The following IL1RAPL2 variants were observed in gnomAD, a reference collection of about 807,000 sequenced individuals.
IL1RAPL2 encodes the protein interleukin 1 receptor accessory protein like 2, also known as X-linked interleukin-1 receptor accessory protein-like 2.
Under a neutral mutation model 44.1 loss-of-function variants are expected in IL1RAPL2, and 3 were observed. The observed-to-expected ratio is 0.07, with a 90% CI of 0.03 to 0.18. The LOEUF (loss-of-function observed/expected upper bound fraction) is 0.18, where lower values mean the gene tolerates loss of function less well. Among genes scored for constraint, IL1RAPL2 ranks in the 10% least tolerant of loss-of-function variants. The probability of loss-of-function intolerance (pLI) is 1.00; values close to 1 mark genes in which losing one functional copy is unlikely to be tolerated. For synonymous variants in IL1RAPL2, 181 were observed against 178.8 expected (o/e 1.01, Z -0.10); for missense variants, 391 against 496.4 (o/e 0.79, Z 2.02).
chrX:105,641,074 C>T (rs951156012), intron 6 of IL1RAPL2, among the ~76,000 whole-genome samples: 7 of 110,686 alleles, frequency 6.3e-5, no homozygotes, highest in African/African-American at 2.3e-4. Context: ...TAAATACTTA[C>T]GATTGGAGGA....
At chrX:105,406,592 T>G in intron 5 of IL1RAPL2, 6 of 1,189,202 alleles carry the variant, frequency 5.0e-6, no homozygotes, top group Non-Finnish European at 6.8e-6. Context: ...TTCGATACAT[T>G]AACTTCAAAA....
chrX:105,140,759 T>C (rs748231033), intron 2 of IL1RAPL2, among the ~76,000 whole-genome samples: 1 of 112,687 alleles, frequency 8.9e-6, no homozygotes, highest in East Asian at 2.8e-4. Context: ...GGTTGTAATA[T>C]AAAATTATGT....
At chrX:105,313,046 T>C (rs1173798886) in intron 5 of IL1RAPL2, among the ~76,000 whole-genome samples, 3 of 111,556 alleles carry the variant, frequency 2.7e-5, no homozygotes, top group South Asian at 7.5e-4. Flanking sequence ...ACTTTGAAAT[T>C]TGTGTTCATT....
At chrX:105,430,416 C>A (rs2035839844) in intron 5 of IL1RAPL2, among the ~76,000 whole-genome samples, 1 of 111,564 alleles carries the variant, frequency 9.0e-6, no homozygotes, top group Non-Finnish European at 1.9e-5. Context: ...CCTTAATAAG[C>A]TAGCCTTACT....
intron 2 of IL1RAPL2, among the ~76,000 whole-genome samples, chrX:104,997,505 T>C (rs551791947): frequency 9.0e-6 from 1 of 111,653 alleles, no homozygotes; most frequent in African/African-American, 3.2e-5. Flanking sequence ...TCTGATCTTT[T>C]GAAGATCACA....
chrX:104,907,734 A>G (rs1331302891), intron 2 of IL1RAPL2, among the ~76,000 whole-genome samples: 10 of 110,287 alleles, frequency 9.1e-5, no homozygotes, highest in Non-Finnish European at 1.5e-4. Context: ...TATGTGGTCA[A>G]TTTTGGAATA....
intron 5 of IL1RAPL2, among the ~76,000 whole-genome samples, chrX:105,464,032 G>A (rs1273857614): frequency 8.9e-6 from 1 of 112,106 alleles, no homozygotes; most frequent in Non-Finnish European, 1.9e-5. Flanking sequence ...TATTTATAGT[G>A]CCTAGCACAA....
intron 2 of IL1RAPL2, among the ~76,000 whole-genome samples, chrX:104,992,998 G>A (rs2030689703): frequency 9.0e-6 from 1 of 111,398 alleles, no homozygotes; most frequent in South Asian, 3.7e-4. Flanking sequence ...TTGTGGTCTG[G>A]CAGCTGAGCA....
chrX:105,043,856 T>C (rs770169339), intron 2 of IL1RAPL2, among the ~76,000 whole-genome samples: 50 of 112,046 alleles, frequency 4.5e-4, no homozygotes, highest in Non-Finnish European at 7.5e-4. Flanking sequence ...TACTAACCAC[T>C]AGCAAAGGTT....
intron 2 of IL1RAPL2, among the ~76,000 whole-genome samples, chrX:105,092,955 A>T (rs2032562187): frequency 9.0e-6 from 1 of 111,544 alleles, no homozygotes; most frequent in South Asian, 3.7e-4. Context: ...GAAGTAAAAA[A>T]AAATAATAGG....
At chrX:105,186,938 G>A (rs781942150) in intron 2 of IL1RAPL2, among the ~76,000 whole-genome samples, 5 of 111,609 alleles carry the variant, frequency 4.5e-5, no homozygotes, top group Non-Finnish European at 9.4e-5. Flanking sequence ...GTGTGAACAT[G>A]CCTCCCTATT....
chrX:105,354,569 T>G (rs966941017), intron 5 of IL1RAPL2, among the ~76,000 whole-genome samples: 1 of 109,417 alleles, frequency 9.1e-6, no homozygotes, highest in African/African-American at 3.3e-5. Context: ...AGTTGATGGG[T>G]GCAGCACACC....
chrX:105,065,775 C>T (rs190096733), intron 2 of IL1RAPL2, among the ~76,000 whole-genome samples: 1 of 112,017 alleles, frequency 8.9e-6, no homozygotes, highest in East Asian at 2.8e-4. Flanking sequence ...GCAAGTTCCG[C>T]TGAGTAAGAC....
chrX:105,549,669 A>G (rs2036836141), intron 6 of IL1RAPL2, among the ~76,000 whole-genome samples: 1 of 111,535 alleles, frequency 9.0e-6, no homozygotes, highest in East Asian at 2.8e-4. Flanking sequence ...TCTGCATGGT[A>G]GTTTTTCTCA....
chrX:104,579,042 T>C (rs770711729), intron 1 of IL1RAPL2, among the ~76,000 whole-genome samples: 6 of 111,849 alleles, frequency 5.4e-5, no homozygotes, highest in Non-Finnish European at 1.1e-4. Flanking sequence ...ATATTGTTTA[T>C]AAACATGGAG....
At chrX:105,065,644 A>G (rs904405944) in intron 2 of IL1RAPL2, among the ~76,000 whole-genome samples, 2 of 112,283 alleles carry the variant, frequency 1.8e-5, no homozygotes, top group African/African-American at 6.5e-5. Flanking sequence ...AAATATTTTC[A>G]GTGTTCAAAT....
chrX:104,781,109 TTTAA>T (rs1375865614), intron 2 of IL1RAPL2, among the ~76,000 whole-genome samples: 4 of 110,221 alleles, frequency 3.6e-5, no homozygotes, highest in Non-Finnish European at 1.9e-5. Flanking sequence ...TATTTACTGC[TTTAA>T]TTGACTTTTT....
chrX:105,418,833 T>A (rs1456751464), intron 5 of IL1RAPL2, among the ~76,000 whole-genome samples: 2 of 111,943 alleles, frequency 1.8e-5, no homozygotes, highest in Admixed American at 1.9e-4. Flanking sequence ...TGCTTTCCAG[T>A]TGTTTGGAGA....
At chrX:105,318,066 G>A (rs375643350) in intron 5 of IL1RAPL2, among the ~76,000 whole-genome samples, 2 of 108,664 alleles carry the variant, frequency 1.8e-5, no homozygotes, top group African/African-American at 3.4e-5. Context: ...TCCGCCTCCC[G>A]GGTTCACGCC....
Sources: allele counts gnomAD v4.1 joint callset (sites outside exome capture counted in the v4.1 genomes callset), GRCh38; gene constraint gnomAD v4.1.1; transcripts MANE v1.5; gene names NCBI Gene and HGNC (gene_info 2026-07-23, HGNC 2026-07-21).